PTPRK: variants seen among roughly 807,000 people sequenced by gnomAD.
PTPRK encodes protein tyrosine phosphatase receptor type K.
PTPRK carries 75 observed loss-of-function variants against 178.0 expected under a neutral mutation model. The ratio of observed to expected loss-of-function variants is 0.42; its 90% CI spans 0.35 to 0.51. PTPRK has a LOEUF of 0.51. PTPRK is among the 20% of genes least tolerant of loss of function. The pLI is 0.02. For synonymous variants in PTPRK, 637 were observed against 620.6 expected, an observed-to-expected ratio of 1.03 and a Z score of -0.39; for missense variants, 1,441 against 1,797.8, an observed-to-expected ratio of 0.80 and a Z score of 3.59.
At chr6:128,061,775 C>T (rs2114916787) in intron 13 of PTPRK, among the ~76,000 whole-genome samples, 1 of 152,304 alleles carries the variant, frequency 6.6e-6, no homozygotes, top group South Asian at 2.1e-4. Context: ...GCCTTTCAAA[C>T]TCCAGAGACT....
At chr6:128,452,797 A>G (rs867284743) in intron 1 of PTPRK, among the ~76,000 whole-genome samples, 1 of 152,196 alleles carries the variant, frequency 6.6e-6, no homozygotes, top group South Asian at 2.1e-4. Flanking sequence ...TTATTGCTAT[A>G]TAGGTTTCCT....
rs758883196 is a variant in PTPRK at position 128,400,505 on chromosome 6, CT to C, written c.101-2818del. Among the ~76,000 whole-genome samples the C allele has an allele frequency of 2.6e-5, 4 of 152,126 alleles. No individual in the cohort carries two copies. The East Asian group carries it at 7.7e-4, about 29-fold the overall frequency. On this transcript the variant is annotated intron_variant, in intron 1 of 29. Coordinates refer to ENST00000368226, the MANE Select transcript of PTPRK (RefSeq NM_002844.4). ...GTTTGTTCTACAGCTGTATTAAAAT[CT>C]TTAAAAGATTTTATCCAAGAGTATG...
chr6:128,364,479 T>C (rs1455754324), intron 2 of PTPRK, among the ~76,000 whole-genome samples: 2 of 152,070 alleles, frequency 1.3e-5, no homozygotes, highest in Non-Finnish European at 2.9e-5. Context: ...GAAACCTGAA[T>C]GCAAACATTT....
intron 3 of PTPRK, among the ~76,000 whole-genome samples, chr6:128,298,668 A>C (rs1234612606): frequency 1.3e-5 from 2 of 152,296 alleles, no homozygotes; most frequent in South Asian, 2.1e-4. Flanking sequence ...AAAATTCAAT[A>C]ACCCTTCATG....
chr6:128,386,855 A>T (rs947426133), intron 2 of PTPRK, among the ~76,000 whole-genome samples: 4 of 151,996 alleles, frequency 2.6e-5, no homozygotes, highest in African/African-American at 9.7e-5. Context: ...ATCACATAAG[A>T]TCAGGAGTTT....
intron 1 of PTPRK, among the ~76,000 whole-genome samples, chr6:128,414,370 C>T (rs1363220529): frequency 6.6e-6 from 1 of 152,140 alleles, no homozygotes; most frequent in African/African-American, 2.4e-5. Context: ...CCTAGTGCGG[C>T]AGTTCTTTCC....
chr6:128,233,082 T>C (rs1488813174), intron 5 of PTPRK, among the ~76,000 whole-genome samples: 4 of 152,108 alleles, frequency 2.6e-5, no homozygotes, highest in Non-Finnish European at 5.9e-5. Flanking sequence ...GAAAATTATC[T>C]TTTTTTTCCT....
At chr6:128,349,597 T>C (rs960951733) in intron 2 of PTPRK, among the ~76,000 whole-genome samples, 2 of 151,934 alleles carry the variant, frequency 1.3e-5, no homozygotes, top group Admixed American at 1.3e-4. Flanking sequence ...AAGCTGATTC[T>C]GTTATAAGGG....
rs187288610 is a variant in PTPRK, at chr6:128,431,063, C to T, written c.101-33375G>A. Among the ~76,000 whole-genome samples the T allele has an allele frequency of 6.1e-4, 92 of 150,880 alleles. 1 individual carries two copies. The highest frequency in any genetic ancestry group is 1.2e-3 in the Admixed American group (18 of 15,130). ...AGGCAGTTGTCCTGCCTCAGCCTTC[C>T]GAGTAGCTGGGATTACAGGCACCCA... On this transcript the variant is annotated intron_variant, in intron 1 of 29. Transcript: ENST00000368226.
chr6:128,479,072 A>G (rs918274162), intron 1 of PTPRK, among the ~76,000 whole-genome samples: 2 of 151,600 alleles, frequency 1.3e-5, no homozygotes, highest in Non-Finnish European at 2.9e-5. Flanking sequence ...GCAAACACTG[A>G]CTCTACTAGA....
chr6:128,077,199 T>C (rs1450681431), intron 11 of PTPRK, among the ~76,000 whole-genome samples: 1 of 152,044 alleles, frequency 6.6e-6, no homozygotes, highest in Non-Finnish European at 1.5e-5. Flanking sequence ...AACATGTGAA[T>C]GACCCTGATT....
intron 1 of PTPRK, among the ~76,000 whole-genome samples, chr6:128,436,427 T>C (rs191202412): frequency 3.5e-4 from 54 of 152,320 alleles, no homozygotes; most frequent in African/African-American, 9.9e-4. Flanking sequence ...ATTTTTGACA[T>C]TGTCGCTTAC....
chr6:128,089,572 A>G, intron 8 of PTPRK, 118 bp downstream of exon 8: 1 of 1,110,186 alleles, frequency 9.0e-7, no homozygotes, highest in Non-Finnish European at 1.3e-6. Flanking sequence ...CTCATTAATA[A>G]CATTTAGATG....
intron 22 of PTPRK, among the ~76,000 whole-genome samples, chr6:127,985,334 T>G (rs1323663149): frequency 6.6e-6 from 1 of 152,216 alleles, no homozygotes; most frequent in East Asian, 1.9e-4. Context: ...TCTGTATGTC[T>G]GAAATTTAGT....
chr6:128,411,130 C>A (rs953485556), intron 1 of PTPRK, among the ~76,000 whole-genome samples: 2 of 152,022 alleles, frequency 1.3e-5, no homozygotes, highest in East Asian at 1.9e-4. Flanking sequence ...TGAGCTCATG[C>A]GATTCACTCA....
intron 1 of PTPRK, among the ~76,000 whole-genome samples, chr6:128,452,131 C>T (rs1309559981): frequency 6.6e-6 from 1 of 152,210 alleles, no homozygotes; most frequent in Admixed American, 6.5e-5. Flanking sequence ...GTCTCCAGCA[C>T]TGTTCTGCCT....
At chr6:128,460,291 C>T (rs1283660364) in intron 1 of PTPRK, among the ~76,000 whole-genome samples, 1 of 152,080 alleles carries the variant, frequency 6.6e-6, no homozygotes, top group African/African-American at 2.4e-5. Context: ...CACCTGTAAT[C>T]CCAGCACTTT....
chr6:128,158,462 C>T (rs1798248907), intron 7 of PTPRK, among the ~76,000 whole-genome samples: 1 of 151,844 alleles, frequency 6.6e-6, no homozygotes, highest in South Asian at 2.1e-4. Flanking sequence ...AAGTGAACAG[C>T]TTCTCTGTCT....
intron 1 of PTPRK, among the ~76,000 whole-genome samples, chr6:128,430,288 C>T (rs964668453): frequency 3.3e-5 from 5 of 152,068 alleles, no homozygotes; most frequent in African/African-American, 1.2e-4. Context: ...GTTTCCTCGA[C>T]TGTAAATAGA....
Sources: gnomAD v4.1 joint callset for allele counts (sites outside exome capture counted in the v4.1 genomes callset) on GRCh38, gnomAD v4.1.1 for gene constraint, MANE v1.5 for transcripts, NCBI Gene and HGNC (gene_info 2026-07-23, HGNC 2026-07-21) for gene names.